Variants in DGKH observed in about 807,000 individuals in gnomAD.
DGKH encodes diacylglycerol kinase eta.
A neutral mutation model predicts 159.3 loss-of-function variants in DGKH; 90 were observed. The observed-to-expected ratio is 0.57, with a 90% CI of 0.48 to 0.67. The LOEUF (loss-of-function observed/expected upper bound fraction) is 0.67, where lower values mean the gene tolerates loss of function less well. DGKH is among the 30% of genes least tolerant of loss of function. The pLI, the probability that DGKH is intolerant of heterozygous loss-of-function variation, is 0.00. For synonymous variants in DGKH, 536 were observed against 553.8 expected, an observed-to-expected ratio of 0.97 and a Z score of 0.45; for missense variants, 1,181 against 1,506.1, an observed-to-expected ratio of 0.78 and a Z score of 3.57.
downstream of DGKH, among the ~76,000 whole-genome samples, chr13:42,246,423 T>C (rs76536330): frequency 2.4e-4 from 37 of 152,078 alleles, 1 homozygote; most frequent in Non-Finnish European, 4.4e-4. Flanking sequence ...CTCATCTCTA[T>C]TAAAAAAAAG....
At chr13:42,057,755 T>G (rs1385543372) in intron 1 of DGKH, among the ~76,000 whole-genome samples, 1 of 152,160 alleles carries the variant, frequency 6.6e-6, no homozygotes, top group Non-Finnish European at 1.5e-5. Context: ...AAGGAGAATT[T>G]ATGAACTTGT....
intron 20 of DGKH, among the ~76,000 whole-genome samples, chr13:42,202,838 T>C (rs1226846502): frequency 6.6e-6 from 1 of 152,214 alleles, no homozygotes; most frequent in Non-Finnish European, 1.5e-5. Flanking sequence ...AAACATTTTT[T>C]GTAAGAAGGA....
intron 1 of DGKH, among the ~76,000 whole-genome samples, chr13:42,040,776 C>A (rs1314972255): frequency 2.0e-5 from 3 of 146,364 alleles, no homozygotes; most frequent in Admixed American, 6.8e-5. Flanking sequence ...CGGCGGCGGC[C>A]GAGAGGGACC....
chr13:42,154,507 A>G (rs556631417), intron 3 of DGKH, among the ~76,000 whole-genome samples: 3 of 152,330 alleles, frequency 2.0e-5, no homozygotes, highest in African/African-American at 7.2e-5. Flanking sequence ...GGTCCTTAAT[A>G]TAATTAAGTT....
At position 42,160,062 on chromosome 13, in the gene DGKH, T is replaced by C; in HGVS notation, c.781T>C (p.Cys261Arg). ...GGGCAACCTGCCTGTAAGTGCCAAG[T>C]GTGCTGTCTGCGACAAAACATGTGG... Reference protein sequence around the residue: ...LEGNLPVSAKCAVCDKTCGSV... With the variant: ...LEGNLPVSAKRAVCDKTCGSV... Residue 261 changes from cysteine to arginine, a missense_variant, in exon 7 of 30, where the codon TGT becomes CGT. By Grantham distance (180) the Cys-to-Arg change is radical. Around this residue, in one of 5 missense-constraint regions of DGKH, gnomAD observed 369 missense variants for 519.4 expected, o/e 0.71. Transcript: ENST00000337343. 6.2e-7 allele frequency: 1 copy of C among 1,614,250 alleles called. No individual in the cohort carries two copies. The highest frequency in any genetic ancestry group is 2.2e-5 in the East Asian group (1 of 44,876).
intron 1 of DGKH, among the ~76,000 whole-genome samples, chr13:42,125,633 G>A (rs1240458748): frequency 6.6e-6 from 1 of 152,182 alleles, no homozygotes; most frequent in Non-Finnish European, 1.5e-5. Context: ...AACAGTTCCA[G>A]GAAGACAGTC....
intron 1 of DGKH, among the ~76,000 whole-genome samples, chr13:42,078,636 G>A (rs1954142111): frequency 6.6e-6 from 1 of 152,078 alleles, no homozygotes; most frequent in South Asian, 2.1e-4. Flanking sequence ...GCACATGGAT[G>A]CCAGATGCCA....
intron 29 of DGKH, among the ~76,000 whole-genome samples, chr13:42,248,594 AATGT>A (rs1172537644): frequency 6.8e-6 from 1 of 147,392 alleles, no homozygotes; most frequent in African/African-American, 2.5e-5. Context: ...TTATAATTTC[AATGT>A]AATAATTTAT....
intron 3 of DGKH, among the ~76,000 whole-genome samples, chr13:42,147,450 G>A (rs1199560834): frequency 1.3e-5 from 2 of 152,008 alleles, no homozygotes; most frequent in East Asian, 3.9e-4. Context: ...GGAAAATTTA[G>A]GTTTTAAAAA....
chr13:42,229,270 T>A lies in DGKH; in HGVS notation c.*82T>A, dbSNP rs537707749. On this transcript the variant is annotated 3_prime_UTR_variant, in exon 30 of 30. Transcript: ENST00000337343. ...GGAAGCAAGTGGCTGTTCTTGTAGT[T>A]TTCTGCATAGATAAGTAAGCACCAC... The A allele has an allele frequency of 2.7e-4, 340 of 1,257,444 alleles. 2 individuals are homozygous for A. In the Admixed American group the frequency reaches 7.6e-3, roughly 28 times the overall value. The allele number at this position is 1,257,444 out of a possible 1,614,324, so 77.9% of individuals were successfully genotyped here.
chr13:42,190,606 G>GAA (rs34878220), intron 16 of DGKH, 81 bp downstream of exon 16: 4 of 1,346,038 alleles, frequency 3.0e-6, no homozygotes, highest in East Asian at 2.7e-5. Context: ...TGATCAGTTT[G>GAA]AAAAAAACTA....
intron 17 of DGKH, 71 bp downstream of exon 17, chr13:42,195,087 T>G: frequency 6.5e-7 from 1 of 1,537,956 alleles, no homozygotes; most frequent in Non-Finnish European, 8.8e-7. Context: ...TTATTTCTAT[T>G]ACTGTGGAAA....
At chr13:42,062,214 G>A (rs1196889234) in intron 1 of DGKH, among the ~76,000 whole-genome samples, 1 of 152,174 alleles carries the variant, frequency 6.6e-6, no homozygotes, top group Non-Finnish European at 1.5e-5. Context: ...TGTTTCCAAA[G>A]TAAGGCAGGC....
At chr13:42,070,396 A>G (rs550558845) in intron 1 of DGKH, 1 of 1,407,484 alleles carries the variant, frequency 7.1e-7, no homozygotes, top group African/African-American at 1.4e-5. Flanking sequence ...TGCACCTGCA[A>G]AAAGGGTTTT....
chr13:42,092,702 G>A (rs1263556828), intron 1 of DGKH, among the ~76,000 whole-genome samples: 1 of 152,022 alleles, frequency 6.6e-6, no homozygotes, highest in Non-Finnish European at 1.5e-5. Flanking sequence ...GGAAATTATA[G>A]TTAATAATTT....
chr13:42,133,127 C>T (rs947604928), intron 3 of DGKH, among the ~76,000 whole-genome samples: 10 of 150,338 alleles, frequency 6.7e-5, no homozygotes, highest in African/African-American at 9.8e-5. Flanking sequence ...GTCGAGATTG[C>T]GCCACTGCAC....
intron 9 of DGKH, among the ~76,000 whole-genome samples, 185 bp from the exon 10 acceptor site, chr13:42,168,255 C>T (rs1177978687): frequency 1.3e-5 from 2 of 152,106 alleles, no homozygotes; most frequent in Non-Finnish European, 2.9e-5. Context: ...ATTCCCTTTC[C>T]TCCTTATGAT....
rs1345283612 is a variant in DGKH, at chr13:42,240,548, G to T, written c.*11360G>T. On this transcript the variant is annotated 3_prime_UTR_variant, in exon 30 of 30. Coordinates refer to ENST00000337343, the MANE Select transcript of DGKH (RefSeq NM_178009.5). ...ACAGACAATAATGAGACTTCAGAAA[G>T]AATCAAAAGCAATAGTGATGGTGGA... The T allele has an allele frequency of 6.6e-6, 1 of 152,094 alleles. No individual in the cohort carries two copies. Among genetic ancestry groups the T allele is most frequent in the Non-Finnish European group, 1.5e-5 (1 of 68,010 alleles). 9.4% of individuals were successfully genotyped at this position (152,094 alleles called of 1,614,324 possible). A position where few individuals can be genotyped will look rare whatever the true frequency, so the allele number is the denominator to read the frequency against.
chr13:42,136,802 C>T (rs1177341101), intron 3 of DGKH, among the ~76,000 whole-genome samples: 2 of 152,114 alleles, frequency 1.3e-5, no homozygotes, highest in Non-Finnish European at 2.9e-5. Flanking sequence ...ATATTTAGAA[C>T]TAAATGATCA....
Sources: allele counts gnomAD v4.1 joint callset (sites outside exome capture counted in the v4.1 genomes callset), GRCh38; gene constraint gnomAD v4.1.1; regional missense constraint gnomAD v4.1.1; transcripts MANE v1.5; gene names NCBI Gene and HGNC (gene_info 2026-07-23, HGNC 2026-07-21).